Variants in DPYD observed in about 807,000 individuals in gnomAD.
DPYD encodes dihydropyrimidine dehydrogenase.
Under a neutral mutation model 116.2 loss-of-function variants are expected in DPYD, and 109 were observed. The observed-to-expected ratio is 0.94, with a 90% CI of 0.80 to 1.10. The LOEUF is 1.10. DPYD is among the 50% of genes least tolerant of loss of function. The pLI is 0.00. For missense variants in DPYD, 1,302 were observed against 1,254.5 expected, an observed-to-expected ratio of 1.04 and a Z score of -0.57; for synonymous variants, 440 against 432.0, an observed-to-expected ratio of 1.02 and a Z score of -0.23.
chr1:97,197,617 A>G (rs1658906546), intron 19 of DPYD, among the ~76,000 whole-genome samples: 1 of 152,192 alleles, frequency 6.6e-6, no homozygotes, highest in Admixed American at 6.5e-5. Flanking sequence ...ACATGGCACA[A>G]TTTGTATACA....
At chr1:97,565,751 T>C (rs925513700) in intron 11 of DPYD, among the ~76,000 whole-genome samples, 10 of 152,294 alleles carry the variant, frequency 6.6e-5, no homozygotes, top group Non-Finnish European at 1.0e-4. Flanking sequence ...CTTTTACTTG[T>C]GTCTGTATTC....
At chr1:97,789,153 T>TTAG (rs1667191805) in intron 3 of DPYD, among the ~76,000 whole-genome samples, 1 of 152,144 alleles carries the variant, frequency 6.6e-6, no homozygotes, top group Non-Finnish European at 1.5e-5. Context: ...GGGGTACACA[T>TTAG]TAGTACCTTC....
chr1:97,277,573 T>C (rs1665026912), intron 18 of DPYD, among the ~76,000 whole-genome samples: 2 of 152,154 alleles, frequency 1.3e-5, no homozygotes, highest in Admixed American at 1.3e-4. Context: ...ATAATTCCCT[T>C]TCCTCTTGTA....
chr1:97,851,124 A>C (rs1670547278), intron 2 of DPYD, among the ~76,000 whole-genome samples: 1 of 151,982 alleles, frequency 6.6e-6, no homozygotes, highest in Non-Finnish European at 1.5e-5. Flanking sequence ...TGAAGAACAG[A>C]TAGCCATAAT....
At chr1:97,621,088 T>G (rs1656607938) in intron 8 of DPYD, among the ~76,000 whole-genome samples, 1 of 152,162 alleles carries the variant, frequency 6.6e-6, no homozygotes, top group Non-Finnish European at 1.5e-5. Context: ...AATTTAGATT[T>G]GATTGAGTAT....
chr1:97,176,897 TA>T (rs922605258), intron 20 of DPYD, among the ~76,000 whole-genome samples: 21 of 79,660 alleles, frequency 2.6e-4, no homozygotes, highest in Admixed American at 3.5e-4. Context: ...TGTGTGTGTG[TA>T]GGGGGGGTGT....
At chr1:97,722,727 A>T (rs1257144646) in intron 4 of DPYD, among the ~76,000 whole-genome samples, 1 of 151,634 alleles carries the variant, frequency 6.6e-6, no homozygotes, top group Non-Finnish European at 1.5e-5. Flanking sequence ...AATACTGATG[A>T]TAACAAAAAG....
chr1:97,365,319 A>G (rs1267595587), intron 16 of DPYD, among the ~76,000 whole-genome samples: 3 of 152,122 alleles, frequency 2.0e-5, no homozygotes, highest in African/African-American at 7.2e-5. Flanking sequence ...TTGGTGTCCC[A>G]CCTTGTCTCT....
At chr1:97,092,030 C>T (rs570970821) in intron 21 of DPYD, among the ~76,000 whole-genome samples, 1 of 152,290 alleles carries the variant, frequency 6.6e-6, no homozygotes, top group East Asian at 1.9e-4. Flanking sequence ...TTCATTCCCT[C>T]ACTTTTTTAG....
At chr1:97,786,140 G>A (rs1395125325) in intron 3 of DPYD, among the ~76,000 whole-genome samples, 1 of 150,174 alleles carries the variant, frequency 6.7e-6, no homozygotes, top group Non-Finnish European at 1.5e-5. Flanking sequence ...AAGACAATCA[G>A]AAGATGAATG....
At chr1:97,703,077 T>C (rs1426544845) in intron 5 of DPYD, among the ~76,000 whole-genome samples, 4 of 152,038 alleles carry the variant, frequency 2.6e-5, no homozygotes, top group Non-Finnish European at 5.9e-5. Flanking sequence ...CTCATTACAT[T>C]GCTTGGCTCA....
intron 14 of DPYD, among the ~76,000 whole-genome samples, chr1:97,401,050 T>C (rs1673346910): frequency 6.6e-6 from 1 of 152,102 alleles, no homozygotes; most frequent in Admixed American, 6.6e-5. Flanking sequence ...TTAATTTGCA[T>C]TTCCCTCCTG....
At chr1:97,192,947 GA>G (rs2101823798) in intron 20 of DPYD, 121 bp downstream of exon 20, 1 of 1,125,518 alleles carries the variant, frequency 8.9e-7, no homozygotes, top group East Asian at 2.4e-5. Flanking sequence ...GTCCACTGAA[GA>G]AATCACATCC....
At chr1:97,157,399 C>T (rs1655550876) in intron 20 of DPYD, among the ~76,000 whole-genome samples, 1 of 152,084 alleles carries the variant, frequency 6.6e-6, no homozygotes, top group African/African-American at 2.4e-5. Context: ...AGTGTATTAC[C>T]ATCATCTTGC....
chr1:97,507,457 T>C (rs928512640), intron 13 of DPYD, among the ~76,000 whole-genome samples: 3 of 152,032 alleles, frequency 2.0e-5, no homozygotes, highest in Non-Finnish European at 4.4e-5. Context: ...TATTGTTTCA[T>C]AGACTTTCAT....
chr1:97,650,148 T>A (rs1462979738), intron 8 of DPYD, among the ~76,000 whole-genome samples: 2 of 152,144 alleles, frequency 1.3e-5, no homozygotes, highest in East Asian at 3.9e-4. Flanking sequence ...TCATAGCCCC[T>A]TACATTTCTG....
intron 3 of DPYD, among the ~76,000 whole-genome samples, chr1:97,762,302 A>G (rs989006986): frequency 6.6e-6 from 1 of 152,176 alleles, no homozygotes; most frequent in Admixed American, 6.6e-5. Context: ...CAGAGTGACA[A>G]GATTAACACC....
chr1:97,784,452 T>G (rs1666912973), intron 3 of DPYD, among the ~76,000 whole-genome samples: 1 of 152,160 alleles, frequency 6.6e-6, no homozygotes, highest in African/African-American at 2.4e-5. Context: ...CACTTAAGTC[T>G]CTAAGTGTTT....
chr1:97,414,225 T>C (rs1476877216), intron 14 of DPYD, among the ~76,000 whole-genome samples: 1 of 152,182 alleles, frequency 6.6e-6, no homozygotes, highest in African/African-American at 2.4e-5. Flanking sequence ...TTGTCTAGTC[T>C]AGGAAAATGC....
Sources: allele counts gnomAD v4.1 joint callset (sites outside exome capture counted in the v4.1 genomes callset), GRCh38; gene constraint gnomAD v4.1.1; transcripts MANE v1.5; gene names NCBI Gene and HGNC (gene_info 2026-07-23, HGNC 2026-07-21).